ST6GALNAC3: variants seen among roughly 807,000 people sequenced by gnomAD.
ST6GALNAC3 encodes alpha-N-acetylgalactosaminide alpha-2,6-sialyltransferase 3.
ST6GALNAC3 carries 25 observed loss-of-function variants against 32.7 expected under a neutral mutation model. The observed-to-expected ratio is 0.76, with a 90% CI of 0.56 to 1.07. ST6GALNAC3 has a LOEUF of 1.07. Among genes scored for constraint, ST6GALNAC3 ranks in the 50% least tolerant of loss-of-function variants. The probability of loss-of-function intolerance (pLI) is 0.00; values close to 1 mark genes in which losing one functional copy is unlikely to be tolerated. For missense variants in ST6GALNAC3, 355 were observed against 382.4 expected, an observed-to-expected ratio of 0.93 and a Z score of 0.60; for synonymous variants, 129 against 133.1, an observed-to-expected ratio of 0.97 and a Z score of 0.21.
intron 1 of ST6GALNAC3, among the ~76,000 whole-genome samples, chr1:76,277,550 A>G (rs1217740294): frequency 2.3e-5 from 1 of 43,540 alleles, no homozygotes; most frequent in African/African-American, 9.1e-5. Flanking sequence ...ATATATATAT[A>G]TATATATATA....
At chr1:76,208,197 A>G (rs978621180) in intron 1 of ST6GALNAC3, among the ~76,000 whole-genome samples, 1 of 152,228 alleles carries the variant, frequency 6.6e-6, no homozygotes, top group African/African-American at 2.4e-5. Flanking sequence ...TCTGCCTGGC[A>G]CCACCAGTGG....
chr1:76,177,155 AAG>A (rs960720367), intron 1 of ST6GALNAC3, among the ~76,000 whole-genome samples: 98 of 152,322 alleles, frequency 6.4e-4, no homozygotes, highest in African/African-American at 1.9e-3. Context: ...TTTTTTAAAA[AAG>A]AGTTAAATTG....
At chr1:76,402,181 A>C (rs1653476125) in intron 2 of ST6GALNAC3, among the ~76,000 whole-genome samples, 1 of 152,174 alleles carries the variant, frequency 6.6e-6, no homozygotes, top group Admixed American at 6.5e-5. Context: ...TTTCATTTTG[A>C]AACTAGAAGG....
intron 2 of ST6GALNAC3, among the ~76,000 whole-genome samples, chr1:76,341,682 C>CTTCCTTCT (rs1648044332): frequency 6.1e-4 from 22 of 36,048 alleles, no homozygotes; most frequent in Non-Finnish European, 1.1e-3. Context: ...TCTTTCTTTC[C>CTTCCTTCT]TTCTTTCTTT....
chr1:76,635,488 C>T (rs889347372), downstream of ST6GALNAC3, among the ~76,000 whole-genome samples: 1 of 152,092 alleles, frequency 6.6e-6, no homozygotes, highest in Non-Finnish European at 1.5e-5. Flanking sequence ...GAAATTGAAG[C>T]ACTAGAGAGA....
intron 3 of ST6GALNAC3, among the ~76,000 whole-genome samples, chr1:76,504,226 T>C (rs924361268): frequency 6.6e-6 from 1 of 152,198 alleles, no homozygotes; most frequent in Non-Finnish European, 1.5e-5. Flanking sequence ...TTCCTTGGCA[T>C]AAAGCAGTGT....
intron 3 of ST6GALNAC3, among the ~76,000 whole-genome samples, chr1:76,453,444 T>G (rs1422269489): frequency 6.6e-6 from 1 of 152,176 alleles, no homozygotes; most frequent in East Asian, 1.9e-4. Context: ...GGCACCGCCT[T>G]TGCTGTATCC....
intron 1 of ST6GALNAC3, among the ~76,000 whole-genome samples, chr1:76,256,575 G>A (rs576064684): frequency 4.6e-5 from 7 of 151,924 alleles, no homozygotes; most frequent in East Asian, 1.9e-4. Flanking sequence ...ATGAGAATTT[G>A]TAGAATTCAT....
At chr1:76,099,402 G>C (rs573198693) in intron 1 of ST6GALNAC3, among the ~76,000 whole-genome samples, 81 of 152,188 alleles carry the variant, frequency 5.3e-4, no homozygotes, top group Middle Eastern at 3.4e-3. Flanking sequence ...CAAAAGAGTG[G>C]TACATGCATA....
At chr1:76,224,418 G>C (rs760154847) in intron 1 of ST6GALNAC3, among the ~76,000 whole-genome samples, 3 of 152,170 alleles carry the variant, frequency 2.0e-5, no homozygotes, top group Admixed American at 6.5e-5. Flanking sequence ...AAGGATAGAA[G>C]ACACATTCTT....
At chr1:76,263,266 G>C (rs2100734346) in intron 1 of ST6GALNAC3, among the ~76,000 whole-genome samples, 1 of 152,286 alleles carries the variant, frequency 6.6e-6, no homozygotes, top group East Asian at 1.9e-4. Context: ...AAGATACTAT[G>C]TTGGTTAAAT....
At chr1:76,389,507 A>G (rs2101145845) in intron 2 of ST6GALNAC3, among the ~76,000 whole-genome samples, 1 of 152,200 alleles carries the variant, frequency 6.6e-6, no homozygotes, top group East Asian at 1.9e-4. Context: ...GCTTTGTGTG[A>G]TTAGTGTTTT....
chr1:76,632,526 T>C lies in ST6GALNAC3; in HGVS notation c.*3720T>C, dbSNP rs1649348117. ...ATCCAGATTTGCATGATTTTTATTA[T>C]ATAGCTACAGAACTGTGACCACTGT... On this transcript the variant is annotated 3_prime_UTR_variant, in exon 5 of 5. Transcript: ENST00000328299. 1 of 152,146 alleles carries C rather than the reference T, an allele frequency of 6.6e-6. No individual in the cohort carries two copies. The highest frequency in any genetic ancestry group is 2.4e-5 in the African/African-American group (1 of 41,416). The allele number at this position is 152,146 out of a possible 1,614,324, so 9.4% of individuals were successfully genotyped here. A position where few individuals can be genotyped will look rare whatever the true frequency, so the allele number is the denominator to read the frequency against.
At chr1:76,385,005 T>A (rs1651982919) in intron 2 of ST6GALNAC3, among the ~76,000 whole-genome samples, 1 of 152,156 alleles carries the variant, frequency 6.6e-6, no homozygotes, top group Non-Finnish European at 1.5e-5. Context: ...ATGCAGAGAA[T>A]GCATACCATA....
At chr1:76,322,535 T>C (rs9437136) in intron 2 of ST6GALNAC3, among the ~76,000 whole-genome samples, 111,387 of 152,086 alleles carry the variant, frequency 0.73, 44,015 homozygotes, top group East Asian at 0.98. Flanking sequence ...TCACTGTTCT[T>C]AAGAATAGTG....
chr1:76,433,115 A>G (rs17098968), intron 3 of ST6GALNAC3, among the ~76,000 whole-genome samples: 8,606 of 151,738 alleles, frequency 0.057, 794 homozygotes, highest in African/African-American at 0.19. Context: ...CCTCTGACAC[A>G]CTTTTTAGTG....
chr1:76,097,075 C>A (rs183739970), intron 1 of ST6GALNAC3, among the ~76,000 whole-genome samples: 2 of 152,128 alleles, frequency 1.3e-5, no homozygotes, highest in African/African-American at 4.8e-5. Context: ...TGTGCCACCA[C>A]GCCCGGCTAA....
At chr1:76,486,686 C>T (rs1475215936) in intron 3 of ST6GALNAC3, among the ~76,000 whole-genome samples, 1 of 152,024 alleles carries the variant, frequency 6.6e-6, no homozygotes, top group Admixed American at 6.6e-5. Context: ...TCCAATTTGC[C>T]AGTCTGTGTC....
At chr1:76,230,308 C>T (rs943140465) in intron 1 of ST6GALNAC3, among the ~76,000 whole-genome samples, 7 of 152,096 alleles carry the variant, frequency 4.6e-5, no homozygotes, top group African/African-American at 7.2e-5. Context: ...GTTTCTACTA[C>T]GTAGAGTTCA....
Sources: gnomAD v4.1 joint callset for allele counts (sites outside exome capture counted in the v4.1 genomes callset) on GRCh38, gnomAD v4.1.1 for gene constraint, MANE v1.5 for transcripts, NCBI Gene and HGNC (gene_info 2026-07-23, HGNC 2026-07-21) for gene names.